FANCD2OS: variants seen among roughly 807,000 people sequenced by gnomAD.
FANCD2OS encodes FANCD2 opposite strand, also known as FANCD2 opposite strand protein.
FANCD2OS carries 11 observed loss-of-function variants against 13.2 expected under a neutral mutation model. The ratio of observed to expected loss-of-function variants is 0.83; its 90% CI spans 0.52 to 1.38. The LOEUF (loss-of-function observed/expected upper bound fraction) is 1.38. Among genes scored for constraint, FANCD2OS ranks in the 40% most tolerant of loss-of-function variants. The probability of loss-of-function intolerance (pLI) is 0.00; values close to 1 mark genes in which losing one functional copy is unlikely to be tolerated. For synonymous variants in FANCD2OS, 69 were observed against 84.5 expected, an observed-to-expected ratio of 0.82 and a Z score of 1.01; for missense variants, 217 against 213.9, an observed-to-expected ratio of 1.01 and a Z score of -0.09.
intron 2 of FANCD2OS, chr3:10,087,411 C>T (rs1269468520): frequency 1.3e-6 from 1 of 758,264 alleles, no homozygotes; most frequent in South Asian, 1.8e-5. Context: ...CCAAGAAGGT[C>T]ATTTTCCCAG....
At chr3:10,107,342 C>T (rs2125112626) in intron 1 of FANCD2OS, among the ~76,000 whole-genome samples, 1 of 151,952 alleles carries the variant, frequency 6.6e-6, no homozygotes, top group Non-Finnish European at 1.5e-5. Context: ...GTCTGGAGTG[C>T]AGTGGCGCGA....
At chr3:10,103,028 C>T, downstream of FANCD2OS, 1 of 429,600 alleles carries the variant, frequency 2.3e-6, no homozygotes, top group Non-Finnish European at 4.6e-6. Context: ...AGGCCGAGGC[C>T]AAGGCATTGC....
intron 2 of FANCD2OS, among the ~76,000 whole-genome samples, chr3:10,097,751 C>T (rs1182577188): frequency 2.6e-5 from 4 of 152,178 alleles, no homozygotes; most frequent in Non-Finnish European, 5.9e-5. Flanking sequence ...CATAGGAAAT[C>T]ACAAGGGTAT....
At chr3:10,092,109 A>G (rs1694647636) in intron 2 of FANCD2OS, 2 of 1,040,240 alleles carry the variant, frequency 1.9e-6, no homozygotes, top group Admixed American at 3.4e-5. Context: ...CAAGAACTAT[A>G]TCTTAGTGGG....
In FANCD2OS at chr3:10,104,435, A is replaced by G. The variant is rs575485356; in HGVS notation, c.340T>C (p.Trp114Arg). 3.1e-6 allele frequency: 5 copies of G among 1,614,158 alleles called. No homozygotes were observed. The Admixed American group carries it at 6.7e-5, about 22-fold the overall frequency. ...TCTGAAACTCTGAAAGTCCCGGTCC[A>G]CTTTGGTGGCTGAGCTGTGATAACC... is the stretch of plus-strand genomic sequence containing the variant. ...GRVITAQPPK[W>R]TGTFRVSDKS... The change falls in exon 2 of 2, where the codon TGG becomes CGG. Residue 114 changes from tryptophan (W) to arginine (R), a missense_variant. Physicochemically the swap from Trp to Arg is moderately radical, Grantham distance 101. Coordinates refer to ENST00000450660, the MANE Select transcript of FANCD2OS (RefSeq NM_001164839.2).
chr3:10,091,800 A>AT (rs1302697762), intron 2 of FANCD2OS, among the ~76,000 whole-genome samples: 2 of 152,236 alleles, frequency 1.3e-5, no homozygotes, highest in African/African-American at 4.8e-5. Context: ...GACATAGAAG[A>AT]ATCAGCAACT....
At chr3:10,089,550 A>C (rs1353462260) in intron 2 of FANCD2OS, among the ~76,000 whole-genome samples, 1 of 151,666 alleles carries the variant, frequency 6.6e-6, no homozygotes, top group African/African-American at 2.4e-5. Flanking sequence ...GCTCACTGCA[A>C]CCTCCACCTC....
At chr3:10,103,089 T>C, downstream of FANCD2OS, 1 of 433,756 alleles carries the variant, frequency 2.3e-6, no homozygotes, top group South Asian at 1.6e-5. Context: ...AAACTCCATC[T>C]CTACTAAAAA....
At chr3:10,092,397 T>A in intron 2 of FANCD2OS, 1 of 746,028 alleles carries the variant, frequency 1.3e-6, no homozygotes, top group East Asian at 2.5e-5. Flanking sequence ...TTTGTCCCCC[T>A]ACCCATCCTG....
At chr3:10,099,174 C>T, downstream of FANCD2OS, 2 of 1,416,772 alleles carry the variant, frequency 1.4e-6, no homozygotes, top group African/African-American at 1.4e-5. Context: ...CATTTAAACA[C>T]ATTTGAAACA....
intron 2 of FANCD2OS, chr3:10,095,431 A>C (rs1000088984): frequency 1.3e-5 from 9 of 684,048 alleles, no homozygotes. Flanking sequence ...TTGCTCCTTG[A>C]GATTGGGCAG....
chr3:10,103,510 G>C (rs747423126), downstream of FANCD2OS, among the ~76,000 whole-genome samples: 2 of 152,158 alleles, frequency 1.3e-5, no homozygotes, highest in African/African-American at 2.4e-5. Context: ...GGGAGTTTGA[G>C]GCTGCAGTGA....
intron 2 of FANCD2OS, chr3:10,086,068 C>T: frequency 1.5e-6 from 1 of 683,610 alleles, no homozygotes. Flanking sequence ...TGAGCTTTCT[C>T]ATCTATGTAT....
At chr3:10,090,622 C>A (rs537878728) in intron 2 of FANCD2OS, among the ~76,000 whole-genome samples, 2 of 151,848 alleles carry the variant, frequency 1.3e-5, no homozygotes, top group South Asian at 4.2e-4. Flanking sequence ...CCACACCCGG[C>A]TAATTTTTAT....
At chr3:10,094,211 T>C (rs1000437618) in intron 2 of FANCD2OS, 2 of 1,027,712 alleles carry the variant, frequency 1.9e-6, no homozygotes, top group Non-Finnish European at 1.5e-6. Context: ...ACCCTTGGGC[T>C]GGATGAGACT....
At chr3:10,090,232 C>G in intron 2 of FANCD2OS, 1 of 1,277,974 alleles carries the variant, frequency 7.8e-7, no homozygotes, top group South Asian at 1.2e-5. Context: ...CCTGGTTCTT[C>G]CCAGGTAGTT....
intron 2 of FANCD2OS, among the ~76,000 whole-genome samples, chr3:10,082,940 A>G (rs1202115568): frequency 2.6e-5 from 4 of 152,196 alleles, no homozygotes; most frequent in African/African-American, 9.7e-5. Flanking sequence ...TAAACATGTG[A>G]AAGGGGCCTG....
chr3:10,102,395 G>A (rs1292922281), downstream of FANCD2OS, among the ~76,000 whole-genome samples: 1 of 151,510 alleles, frequency 6.6e-6, no homozygotes, highest in Non-Finnish European at 1.5e-5. Flanking sequence ...TACCCGCCTC[G>A]GCCTCCCAAA....
At chr3:10,081,344 A>G (rs1323882322) in exon 3 of FANCD2OS, 1 of 1,613,282 alleles carries the variant, frequency 6.2e-7, no homozygotes, top group Non-Finnish European at 8.5e-7. Flanking sequence ...TTTTATTTTT[A>G]GTGTTTAGCT....
Sources: gnomAD v4.1 joint callset for allele counts (sites outside exome capture counted in the v4.1 genomes callset) on GRCh38, gnomAD v4.1.1 for gene constraint, MANE v1.5 for transcripts, NCBI Gene and HGNC (gene_info 2026-07-23, HGNC 2026-07-21) for gene names.